PTPRM: variants seen among roughly 807,000 people sequenced by gnomAD.
PTPRM encodes protein tyrosine phosphatase receptor type M.
Under a neutral mutation model 186.7 loss-of-function variants are expected in PTPRM, and 47 were observed. That is an observed-to-expected ratio of 0.25 (90% CI 0.20 to 0.32). The LOEUF is 0.32. Ranked by LOEUF, PTPRM falls within the 10% of genes least tolerant of loss-of-function variation. The probability of loss-of-function intolerance (pLI) is 1.00; values close to 1 mark genes in which losing one functional copy is unlikely to be tolerated. For synonymous variants in PTPRM, 668 were observed against 674.9 expected (o/e 0.99, Z 0.16); for missense variants, 1,494 against 1,865.0 (o/e 0.80, Z 3.66).
At chr18:7,790,708 C>A (rs540570607) in intron 2 of PTPRM, among the ~76,000 whole-genome samples, 1 of 152,254 alleles carries the variant, frequency 6.6e-6, no homozygotes, top group Admixed American at 6.5e-5. Context: ...GAAAGTCATG[C>A]CATTTGTTGC....
intron 1 of PTPRM, among the ~76,000 whole-genome samples, chr18:7,678,155 G>A (rs992975812): frequency 1.3e-5 from 2 of 152,120 alleles, no homozygotes; most frequent in Non-Finnish European, 2.9e-5. Context: ...TGGAAAGTGG[G>A]TGGTGATTGT....
intron 2 of PTPRM, among the ~76,000 whole-genome samples, chr18:7,835,144 G>A (rs1598962377): frequency 6.7e-6 from 1 of 148,408 alleles, no homozygotes; most frequent in East Asian, 2.0e-4. Flanking sequence ...ACTAAACTTG[G>A]GTTTGGTTTG....
intron 1 of PTPRM, among the ~76,000 whole-genome samples, chr18:7,595,441 G>A (rs971785090): frequency 6.6e-6 from 1 of 152,196 alleles, no homozygotes; most frequent in Admixed American, 6.5e-5. Context: ...CTATGTAAGT[G>A]TTGGGGAATG....
At chr18:8,024,804 C>T (rs2085465683) in intron 7 of PTPRM, among the ~76,000 whole-genome samples, 2 of 151,536 alleles carry the variant, frequency 1.3e-5, no homozygotes, top group South Asian at 2.1e-4. Context: ...CCACCTCAGC[C>T]CCCCAAGTAG....
intron 11 of PTPRM, among the ~76,000 whole-genome samples, chr18:8,095,688 C>G (rs766283292): frequency 2.6e-5 from 4 of 152,076 alleles, no homozygotes; most frequent in African/African-American, 4.8e-5. Context: ...AGAGCTAACC[C>G]TGGCGGCATG....
At chr18:8,211,856 G>A (rs1011072277) in intron 14 of PTPRM, among the ~76,000 whole-genome samples, 3 of 152,184 alleles carry the variant, frequency 2.0e-5, no homozygotes, top group African/African-American at 7.2e-5. Context: ...GGGAAGGGCA[G>A]CACAACTCCC....
chr18:7,667,962 C>T (rs1362619113), intron 1 of PTPRM, among the ~76,000 whole-genome samples: 4 of 151,810 alleles, frequency 2.6e-5, no homozygotes, highest in Non-Finnish European at 4.4e-5. Flanking sequence ...TTTACATGCT[C>T]ACATTTTCCT....
rs140799805 is a variant in PTPRM at position 8,145,587 on chromosome 18, C to A, written c.2300+1808C>A. Reference sequence around the variant, plus strand: ...AACATGCAGTGTTTGCTTTTCTGTTCTTGTGATAGTTTGCTGAGAATGATG... The same window carrying A: ...AACATGCAGTGTTTGCTTTTCTGTTATTGTGATAGTTTGCTGAGAATGATG... On this transcript the variant is annotated intron_variant, in intron 14 of 32. Transcript: ENST00000580170. 3.7e-3 allele frequency among the ~76,000 whole-genome samples: 564 copies of A among 152,252 alleles called. 4 individuals carry two copies. Among genetic ancestry groups the A allele is most frequent in the African/African-American group, 0.013 (522 of 41,544 alleles).
At chr18:8,217,272 C>T (rs1244853910) in intron 14 of PTPRM, among the ~76,000 whole-genome samples, 1 of 133,602 alleles carries the variant, frequency 7.5e-6, no homozygotes, top group East Asian at 4.0e-4. Context: ...CTAATGAAGT[C>T]TTGCGCATAA....
At chr18:8,121,946 T>C (rs2092189798) in intron 13 of PTPRM, 1 of 152,166 alleles carries the variant, frequency 6.6e-6, no homozygotes, top group Admixed American at 6.5e-5. Context: ...TGTTTTTGGT[T>C]TTGTTTTCCT....
At chr18:7,681,631 C>T (rs1212753247) in intron 1 of PTPRM, among the ~76,000 whole-genome samples, 2 of 151,726 alleles carry the variant, frequency 1.3e-5, no homozygotes, top group Admixed American at 1.3e-4. Flanking sequence ...AAATGGTTCC[C>T]AAATGCACTG....
At chr18:7,820,519 G>A (rs2045127383) in intron 2 of PTPRM, among the ~76,000 whole-genome samples, 1 of 152,188 alleles carries the variant, frequency 6.6e-6, no homozygotes. Flanking sequence ...CTTAGAATCT[G>A]TTGGCAAGAC....
chr18:7,874,873 A>G (rs1421304144), intron 2 of PTPRM, among the ~76,000 whole-genome samples: 1 of 152,214 alleles, frequency 6.6e-6, no homozygotes, highest in Non-Finnish European at 1.5e-5. Context: ...TAGGAGAAAC[A>G]GAAAACCAAA....
chr18:7,717,710 G>A (rs2040367403), intron 1 of PTPRM, among the ~76,000 whole-genome samples: 1 of 152,210 alleles, frequency 6.6e-6, no homozygotes, highest in Non-Finnish European at 1.5e-5. Context: ...TTCAGGAGTG[G>A]CAGGCAATCC....
chr18:7,840,623 C>T (rs1409952577), intron 2 of PTPRM, among the ~76,000 whole-genome samples: 1 of 152,166 alleles, frequency 6.6e-6, no homozygotes, highest in South Asian at 2.1e-4. Context: ...TGTTCAGACT[C>T]CAGAACTTGC....
At chr18:8,033,528 C>G (rs2086130519) in intron 7 of PTPRM, among the ~76,000 whole-genome samples, 1 of 152,186 alleles carries the variant, frequency 6.6e-6, no homozygotes, top group Admixed American at 6.5e-5. Context: ...TCCTAGGCTA[C>G]AAACCTGCAC....
chr18:7,947,685 T>A (rs953568282), intron 5 of PTPRM, among the ~76,000 whole-genome samples: 1 of 152,120 alleles, frequency 6.6e-6, no homozygotes, highest in Non-Finnish European at 1.5e-5. Context: ...TCTTCCCCTC[T>A]CACCCTTCCC....
At chr18:7,615,939 C>T (rs373051152) in intron 1 of PTPRM, among the ~76,000 whole-genome samples, 38 of 152,176 alleles carry the variant, frequency 2.5e-4, no homozygotes, top group African/African-American at 5.5e-4. Flanking sequence ...CTAGATCCCC[C>T]GCATACACAG....
intron 1 of PTPRM, among the ~76,000 whole-genome samples, chr18:7,724,964 T>G (rs2040517499): frequency 6.6e-6 from 1 of 152,184 alleles, no homozygotes; most frequent in Non-Finnish European, 1.5e-5. Context: ...TATTTGACCC[T>G]AGGACTCAAC....
Sources: allele counts gnomAD v4.1 joint callset (sites outside exome capture counted in the v4.1 genomes callset), GRCh38; gene constraint gnomAD v4.1.1; transcripts MANE v1.5; gene names NCBI Gene and HGNC (gene_info 2026-07-23, HGNC 2026-07-21).